The following GLO1 variants were observed in gnomAD, a reference collection of about 807,000 sequenced individuals.
The protein encoded by GLO1 is glyoxalase I, also known as lactoylglutathione lyase.
GLO1 carries 28 observed loss-of-function variants against 26.0 expected under a neutral mutation model. That is an observed-to-expected ratio of 1.08 (90% CI 0.80 to 1.48). The LOEUF (loss-of-function observed/expected upper bound fraction) is 1.48, where lower values mean the gene tolerates loss of function less well. Ranked by LOEUF, GLO1 falls within the 40% of genes most tolerant of loss-of-function variation. The probability of loss-of-function intolerance (pLI) is 0.00; values close to 1 mark genes in which losing one functional copy is unlikely to be tolerated. For missense variants in GLO1, 225 were observed against 224.8 expected, an observed-to-expected ratio of 1.00 and a Z score of -0.01; for synonymous variants, 78 against 77.6, an observed-to-expected ratio of 1.00 and a Z score of -0.03.
intron 5 of GLO1, among the ~76,000 whole-genome samples, chr6:38,680,376 C>T (rs925267134): frequency 6.6e-6 from 1 of 152,064 alleles, no homozygotes; most frequent in Admixed American, 6.5e-5. Context: ...ACAAAATTAG[C>T]CAGGCACGGT....
At chr6:38,701,931 T>G (rs1018616531) in intron 1 of GLO1, among the ~76,000 whole-genome samples, 2 of 149,652 alleles carry the variant, frequency 1.3e-5, no homozygotes, top group African/African-American at 4.9e-5. Flanking sequence ...TGCCTGAATT[T>G]TTTTTTTTTT....
intron 5 of GLO1, among the ~76,000 whole-genome samples, chr6:38,677,814 T>C (rs1761285227): frequency 6.6e-6 from 1 of 152,196 alleles, no homozygotes; most frequent in African/African-American, 2.4e-5. Flanking sequence ...GTCAGAAAAG[T>C]ATGAAAAGTC....
At chr6:38,679,188 T>C (rs1364668376) in intron 5 of GLO1, among the ~76,000 whole-genome samples, 2 of 152,106 alleles carry the variant, frequency 1.3e-5, no homozygotes, top group Non-Finnish European at 2.9e-5. Context: ...CAGTGGATCA[T>C]AGCTCACTGC....
At chr6:38,681,231 T>C (rs1761373306) in intron 5 of GLO1, among the ~76,000 whole-genome samples, 1 of 152,032 alleles carries the variant, frequency 6.6e-6, no homozygotes, top group East Asian at 1.9e-4. Context: ...CCTGGCTAAT[T>C]TTTTCTATTT....
chr6:38,685,058 A>G (rs1246972812), intron 2 of GLO1, among the ~76,000 whole-genome samples: 3 of 152,318 alleles, frequency 2.0e-5, no homozygotes, highest in Admixed American at 1.3e-4. Context: ...CAGATACTGT[A>G]GAAAGGTCAA....
chr6:38,680,574 T>C (rs1162731013), intron 5 of GLO1, among the ~76,000 whole-genome samples: 1 of 151,938 alleles, frequency 6.6e-6, no homozygotes, highest in Non-Finnish European at 1.5e-5. Context: ...GGTATTTAAA[T>C]AAAAGAACAG....
intron 5 of GLO1, among the ~76,000 whole-genome samples, chr6:38,679,918 A>G (rs910465131): frequency 2.0e-5 from 3 of 152,262 alleles, no homozygotes; most frequent in African/African-American, 7.2e-5. Flanking sequence ...AGAACAAAAT[A>G]GATGAATTAA....
intron 1 of GLO1, among the ~76,000 whole-genome samples, chr6:38,691,287 A>C (rs1036908628): frequency 1.3e-5 from 2 of 151,850 alleles, no homozygotes; most frequent in African/African-American, 4.8e-5. Context: ...CTCCAAATTT[A>C]ATTAAGAAAA....
chr6:38,675,952 A>T lies in GLO1; in HGVS notation c.*1343T>A, dbSNP rs1404896656. Reference sequence around the variant, plus strand: ...TACAAATTAAACATAGTCTTATTTGAAGTTTCATTTTATTTCAGTCTATAA... The same window carrying T: ...TACAAATTAAACATAGTCTTATTTGTAGTTTCATTTTATTTCAGTCTATAA... On this transcript the variant is annotated 3_prime_UTR_variant, in exon 6 of 6. Transcript: ENST00000373365. 6.6e-6 allele frequency: 1 copy of T among 150,920 alleles called. No homozygotes were observed. The highest frequency in any genetic ancestry group is 1.5e-5 in the Non-Finnish European group (1 of 67,786). 9.3% of individuals were successfully genotyped at this position (150,920 alleles called of 1,614,324 possible).
At chr6:38,695,740 TGGA>T (rs1314529455) in intron 1 of GLO1, among the ~76,000 whole-genome samples, 2 of 152,150 alleles carry the variant, frequency 1.3e-5, no homozygotes, top group Admixed American at 1.3e-4. Context: ...GTTTTCTCTA[TGGA>T]GTTTAGTTGG....
chr6:38,678,344 G>GAA (rs1262108839), intron 5 of GLO1, among the ~76,000 whole-genome samples: 2 of 148,092 alleles, frequency 1.4e-5, no homozygotes, highest in Non-Finnish European at 3.0e-5. Context: ...AAGAGAAAGA[G>GAA]AGAAAGAGAG....
chr6:38,677,915 G>A (rs550493923), intron 5 of GLO1, among the ~76,000 whole-genome samples: 1 of 152,182 alleles, frequency 6.6e-6, no homozygotes, highest in Non-Finnish European at 1.5e-5. Context: ...GCATCTTTTA[G>A]GTATCAGGCA....
At chr6:38,680,609 G>T (rs1285561613) in intron 5 of GLO1, among the ~76,000 whole-genome samples, 2 of 152,234 alleles carry the variant, frequency 1.3e-5, no homozygotes, top group African/African-American at 4.8e-5. Flanking sequence ...TGCTAAAAAG[G>T]CTGGGCATAG....
intron 2 of GLO1, among the ~76,000 whole-genome samples, chr6:38,685,108 G>A (rs1357210759): frequency 6.6e-6 from 1 of 152,136 alleles, no homozygotes; most frequent in Non-Finnish European, 1.5e-5. Context: ...GATATGGAAA[G>A]GTCCCATGAG....
At chr6:38,701,033 T>C (rs531986774) in intron 1 of GLO1, among the ~76,000 whole-genome samples, 2 of 152,230 alleles carry the variant, frequency 1.3e-5, no homozygotes, top group East Asian at 3.9e-4. Context: ...CCCACCTCGC[T>C]CTCCCAAAGT....
intron 1 of GLO1, among the ~76,000 whole-genome samples, chr6:38,688,783 CA>C (rs1302948480): frequency 6.6e-6 from 1 of 152,224 alleles, no homozygotes; most frequent in Non-Finnish European, 1.5e-5. Context: ...CTTATTCTCT[CA>C]AACACTAACC....
intron 5 of GLO1, among the ~76,000 whole-genome samples, chr6:38,679,740 GCTATGA>G (rs1344048894): frequency 1.3e-5 from 2 of 151,108 alleles, no homozygotes; most frequent in African/African-American, 4.9e-5. Flanking sequence ...GTTGCAGTGA[GCTATGA>G]TCACACCACT....
chr6:38,684,879 A>C (rs1761439904), intron 2 of GLO1, among the ~76,000 whole-genome samples: 1 of 152,338 alleles, frequency 6.6e-6, no homozygotes. Flanking sequence ...ACACACATAC[A>C]AACACATATA....
intron 1 of GLO1, among the ~76,000 whole-genome samples, chr6:38,694,679 C>CAA (rs533121970): frequency 7.1e-6 from 1 of 141,536 alleles, no homozygotes. Context: ...CACCCTATCT[C>CAA]AAAAAAAAAA....
Sources: allele counts gnomAD v4.1 joint callset (sites outside exome capture counted in the v4.1 genomes callset), GRCh38; gene constraint gnomAD v4.1.1; transcripts MANE v1.5; gene names NCBI Gene and HGNC (gene_info 2026-07-23, HGNC 2026-07-21).